NUBPL: variants seen among roughly 807,000 people sequenced by gnomAD.
NUBPL encodes the protein iron-sulfur cluster transfer protein NUBPL.
A neutral mutation model predicts 45.7 loss-of-function variants in NUBPL; 31 were observed. The ratio of observed to expected loss-of-function variants is 0.68; its 90% confidence interval spans 0.51 to 0.92. The LOEUF is 0.92. Ranked by LOEUF, NUBPL falls within the 40% of genes least tolerant of loss-of-function variation. The pLI, the probability that NUBPL is intolerant of heterozygous loss-of-function variation, is 0.00. For synonymous variants in NUBPL, 144 were observed against 140.9 expected (o/e 1.02, Z -0.15); for missense variants, 401 against 398.7 (o/e 1.01, Z -0.05).
chr14:31,691,300 T>C (rs2037088397), intron 6 of NUBPL, among the ~76,000 whole-genome samples: 1 of 152,204 alleles, frequency 6.6e-6, no homozygotes, highest in South Asian at 2.1e-4. Context: ...CTTAATAACA[T>C]TTTCTTTTCT....
intron 4 of NUBPL, among the ~76,000 whole-genome samples, chr14:31,659,413 C>T (rs2036216645): frequency 6.6e-6 from 1 of 152,128 alleles, no homozygotes; most frequent in Non-Finnish European, 1.5e-5. Context: ...ATGCTATGAT[C>T]AATTACTGGT....
At chr14:31,825,780 TTTC>T (rs1400351505) in intron 7 of NUBPL, among the ~76,000 whole-genome samples, 7 of 149,254 alleles carry the variant, frequency 4.7e-5, no homozygotes, top group Admixed American at 1.3e-4. Flanking sequence ...CCTCCTCCTT[TTTC>T]TTCTTTCTTC....
At chr14:31,645,476 T>C (rs996779495) in intron 4 of NUBPL, among the ~76,000 whole-genome samples, 1 of 152,226 alleles carries the variant, frequency 6.6e-6, no homozygotes, top group Non-Finnish European at 1.5e-5. Context: ...AGTGTTTTCA[T>C]TGATAAGTAA....
At chr14:31,815,122 T>C (rs2039889393) in intron 7 of NUBPL, among the ~76,000 whole-genome samples, 1 of 152,192 alleles carries the variant, frequency 6.6e-6, no homozygotes. Context: ...ATAAATTACT[T>C]TGGGCAGTAT....
At chr14:31,562,263 A>C in intron 2 of NUBPL, 48 bp downstream of exon 2, 2 of 1,503,490 alleles carry the variant, frequency 1.3e-6, no homozygotes, top group Admixed American at 3.6e-5. Flanking sequence ...TTATGCCAAC[A>C]GACAAGTGCA....
chr14:31,619,282 A>G (rs777085956), intron 4 of NUBPL, among the ~76,000 whole-genome samples: 3 of 152,174 alleles, frequency 2.0e-5, no homozygotes, highest in Non-Finnish European at 4.4e-5. Flanking sequence ...TAGCCCATTT[A>G]CATTTAAGGT....
intron 4 of NUBPL, among the ~76,000 whole-genome samples, chr14:31,621,454 G>T (rs191552909): frequency 6.6e-6 from 1 of 152,190 alleles, no homozygotes; most frequent in African/African-American, 2.4e-5. Flanking sequence ...TGCCAGTTGC[G>T]AAGACCGTGG....
chr14:31,566,503 T>C (rs887570822), intron 3 of NUBPL, among the ~76,000 whole-genome samples: 2 of 152,144 alleles, frequency 1.3e-5, no homozygotes, highest in Non-Finnish European at 2.9e-5. Flanking sequence ...CCTACTTTCA[T>C]GTATCCCATC....
intron 3 of NUBPL, among the ~76,000 whole-genome samples, chr14:31,589,408 A>C (rs1566431151): frequency 6.6e-6 from 1 of 152,164 alleles, no homozygotes; most frequent in Non-Finnish European, 1.5e-5. Flanking sequence ...AATATAAGCA[A>C]TTATGCTAAT....
At chr14:31,816,344 G>A (rs1019800765) in intron 7 of NUBPL, among the ~76,000 whole-genome samples, 16 of 152,222 alleles carry the variant, frequency 1.1e-4, no homozygotes, top group Non-Finnish European at 1.9e-4. Flanking sequence ...TTCTCTGATG[G>A]TAGTTTGTAT....
intron 3 of NUBPL, among the ~76,000 whole-genome samples, chr14:31,579,282 C>T (rs8010049): frequency 0.3 from 45,760 of 152,072 alleles, 7,627 homozygotes; most frequent in South Asian, 0.41. Context: ...TCTCCACATA[C>T]GCTTTTTCTT....
At chr14:31,781,240 G>T (rs2039186593) in intron 6 of NUBPL, among the ~76,000 whole-genome samples, 1 of 152,202 alleles carries the variant, frequency 6.6e-6, no homozygotes, top group Non-Finnish European at 1.5e-5. Context: ...TTACATGAAT[G>T]TAAAAACCTT....
intron 3 of NUBPL, chr14:31,577,777 A>C (rs1317811568): frequency 5.1e-5 from 8 of 156,450 alleles, no homozygotes; most frequent in Non-Finnish European, 1.1e-4. Context: ...TGTTGTTGGC[A>C]CTGCTCCTTT....
chr14:31,616,056 AT>A (rs2034890660), intron 4 of NUBPL, among the ~76,000 whole-genome samples: 1 of 151,856 alleles, frequency 6.6e-6, no homozygotes, highest in Non-Finnish European at 1.5e-5. Context: ...TGATGATGAG[AT>A]TTTTTTCATA....
At chr14:31,755,355 C>A (rs2038635443) in intron 6 of NUBPL, among the ~76,000 whole-genome samples, 1 of 152,190 alleles carries the variant, frequency 6.6e-6, no homozygotes, top group South Asian at 2.1e-4. Context: ...TCCTCTCCAG[C>A]ACCTGTTGTT....
intron 3 of NUBPL, among the ~76,000 whole-genome samples, chr14:31,590,399 G>A (rs928780913): frequency 6.6e-6 from 1 of 151,944 alleles, no homozygotes; most frequent in Non-Finnish European, 1.5e-5. Flanking sequence ...TCTCAGCGGA[G>A]CAGTGTTGGA....
intron 4 of NUBPL, among the ~76,000 whole-genome samples, chr14:31,636,613 T>G (rs1296889033): frequency 6.6e-6 from 1 of 152,220 alleles, no homozygotes; most frequent in East Asian, 1.9e-4. Context: ...ATAAAATGAG[T>G]TAGGAAGGAT....
At chr14:31,827,373 C>A (rs903569632) in intron 8 of NUBPL, among the ~76,000 whole-genome samples, 32 of 150,766 alleles carry the variant, frequency 2.1e-4, no homozygotes, top group African/African-American at 7.3e-4. Context: ...AAACTGGATG[C>A]TCAAAAGAGA....
chr14:31,791,818 T>C (rs965840160), intron 7 of NUBPL, among the ~76,000 whole-genome samples: 1 of 152,230 alleles, frequency 6.6e-6, no homozygotes, highest in Admixed American at 6.5e-5. Flanking sequence ...CTCCATACCT[T>C]GCTTTCTTTG....
Sources: allele counts gnomAD v4.1 joint callset (sites outside exome capture counted in the v4.1 genomes callset), GRCh38; gene constraint gnomAD v4.1.1; transcripts MANE v1.5; gene names NCBI Gene and HGNC (gene_info 2026-07-23, HGNC 2026-07-21).